Variants in ZFR2 observed in about 807,000 individuals in gnomAD.
The protein encoded by ZFR2 is zinc finger RNA binding protein 2, also known as zinc finger RNA-binding protein 2.
Under a neutral mutation model 105.7 loss-of-function variants are expected in ZFR2, and 104 were observed. That is an observed-to-expected ratio of 0.98 (90% CI 0.84 to 1.16). The LOEUF (loss-of-function observed/expected upper bound fraction) is 1.16, where lower values mean the gene tolerates loss of function less well. Among genes scored for constraint, ZFR2 ranks in the 50% most tolerant of loss-of-function variants. The pLI, the probability that ZFR2 is intolerant of heterozygous loss-of-function variation, is 0.00. For synonymous variants in ZFR2, 634 were observed against 597.7 expected, an observed-to-expected ratio of 1.06 and a Z score of -0.89; for missense variants, 1,425 against 1,355.5, an observed-to-expected ratio of 1.05 and a Z score of -0.80.
intron 3 of ZFR2, 63 bp from the exon 4 acceptor site, chr19:3,831,941 A>T (rs1332043687): frequency 4.6e-5 from 63 of 1,376,064 alleles, no homozygotes; most frequent in Non-Finnish European, 6.1e-5. Flanking sequence ...TCACCTGCAG[A>T]TGGGCCCTGG....
chr19:3,863,017 C>T (rs1486623216), intron 1 of ZFR2, among the ~76,000 whole-genome samples: 1 of 152,196 alleles, frequency 6.6e-6, no homozygotes, highest in African/African-American at 2.4e-5. Context: ...TACAGGTATG[C>T]GCCCTGGCCC....
At chr19:3,822,758 G>T (rs991039795) in intron 8 of ZFR2, among the ~76,000 whole-genome samples, 1 of 152,138 alleles carries the variant, frequency 6.6e-6, no homozygotes, top group Non-Finnish European at 1.5e-5. Flanking sequence ...AGGAAACCCA[G>T]CCCTGCCTCT....
intron 1 of ZFR2, among the ~76,000 whole-genome samples, chr19:3,862,235 T>C (rs1466045647): frequency 6.6e-6 from 1 of 152,102 alleles, no homozygotes; most frequent in Non-Finnish European, 1.5e-5. Context: ...AAACAGAGAA[T>C]ATGTTTAGGA....
rs1410400942 is a variant in ZFR2 at position 3,827,661 on chromosome 19, A to G, written c.853-8T>C. On this transcript the variant is annotated splice_polypyrimidine_tract_variant and splice_region_variant and intron_variant, in intron 5 of 18. Coordinates refer to ENST00000262961, the MANE Select transcript of ZFR2 (RefSeq NM_015174.2). ...CAGATGTTCCCGGTAGGTCTGCGGC[A>G]AGGGGTGAGAGGCAGCCTGGGCGGG... 3.8e-6 allele frequency: 6 copies of G among 1,572,884 alleles called. No individual in the cohort carries two copies. The highest frequency in any genetic ancestry group is 5.2e-6 in the Non-Finnish European group (6 of 1,159,778).
intron 17 of ZFR2, among the ~76,000 whole-genome samples, chr19:3,808,216 CG>C (rs1172646081): frequency 5.6e-4 from 79 of 141,260 alleles, no homozygotes; most frequent in African/African-American, 2.0e-3. Context: ...CGTGTGTGCC[CG>C]TGCGAGTGCG....
At chr19:3,825,083 A>G in intron 7 of ZFR2, 147 bp downstream of exon 7, 1 of 949,368 alleles carries the variant, frequency 1.1e-6, no homozygotes. Context: ...CTCTGCAGGA[A>G]TAAGGGAGAG....
intron 17 of ZFR2, 138 bp from the exon 18 acceptor site, chr19:3,807,407 C>A: frequency 1.6e-6 from 1 of 633,474 alleles, no homozygotes; most frequent in African/African-American, 1.8e-5. Flanking sequence ...ACCTCTGACC[C>A]TCAGGCCTCT....
intron 16 of ZFR2, among the ~76,000 whole-genome samples, chr19:3,809,957 T>TA (rs2037743475): frequency 1.3e-5 from 2 of 151,682 alleles, no homozygotes; most frequent in African/African-American, 4.8e-5. Flanking sequence ...AAAAATGATT[T>TA]TAAAAAAAAG....
At chr19:3,819,970 G>A (rs963400155) in intron 11 of ZFR2, among the ~76,000 whole-genome samples, 1 of 152,214 alleles carries the variant, frequency 6.6e-6, no homozygotes, top group Admixed American at 6.5e-5. Context: ...ACCACCCGGG[G>A]CTCCAGGAAG....
At chr19:3,844,821 G>T (rs1320710954) in intron 1 of ZFR2, among the ~76,000 whole-genome samples, 3 of 152,200 alleles carry the variant, frequency 2.0e-5, no homozygotes, top group Non-Finnish European at 4.4e-5. Context: ...ACGTGGGAAG[G>T]AATTCCTCTC....
intron 7 of ZFR2, 143 bp downstream of exon 7, chr19:3,825,087 G>A (rs1426263680): frequency 2.1e-5 from 21 of 991,130 alleles, no homozygotes; most frequent in Non-Finnish European, 2.8e-5. Flanking sequence ...GCAGGAATAA[G>A]GGAGAGACGG....
chr19:3,806,314 G>A (rs2037696429), intron 18 of ZFR2, among the ~76,000 whole-genome samples, 189 bp from the exon 19 acceptor site: 1 of 152,230 alleles, frequency 6.6e-6, no homozygotes, highest in African/African-American at 2.4e-5. Flanking sequence ...CCAGGCTGGA[G>A]TGCAGTGGCG....
chr19:3,817,056 C>T (rs576885080), intron 12 of ZFR2, among the ~76,000 whole-genome samples: 6 of 152,272 alleles, frequency 3.9e-5, no homozygotes, highest in East Asian at 3.9e-4. Context: ...GTGCTGTCAC[C>T]GGGCATGCCT....
At chr19:3,851,659 T>G (rs2038239289) in intron 1 of ZFR2, 1 of 152,266 alleles carries the variant, frequency 6.6e-6, no homozygotes, top group South Asian at 2.1e-4. Flanking sequence ...GTTTTTAAGA[T>G]GGAGTCAGCT....
In ZFR2 at chr19:3,838,064, GTGA is replaced by G. The variant is rs1367924524; in HGVS notation, c.54-3084_54-3082del. Among the ~76,000 whole-genome samples, 2 of 139,540 alleles carry G rather than the reference GTGA, an allele frequency of 1.4e-5. No individual in the cohort carries two copies. The highest frequency in any genetic ancestry group is 5.4e-5 in the African/African-American group (2 of 36,884). 91.5% of individuals were successfully genotyped at this position (139,540 alleles called of 152,430 possible). ...ACGATGAACACCATGACCGTGACAC[GTGA>G]TGAACACCATGACCGTGACACGCGA... On this transcript the variant is annotated intron_variant, in intron 1 of 18. Coordinates refer to ENST00000262961, the MANE Select transcript of ZFR2 (RefSeq NM_015174.2). The surrounding 1 kb of genome is among the most constrained non-coding windows in gnomAD (Gnocchi z 4.9).
At chr19:3,833,203 C>G (rs1247069400) in intron 3 of ZFR2, among the ~76,000 whole-genome samples, 1 of 146,894 alleles carries the variant, frequency 6.8e-6, no homozygotes, top group Non-Finnish European at 1.5e-5. Context: ...GAGCTGAGAT[C>G]GCACCACTGC....
chr19:3,815,316 C>T (rs907943814), intron 13 of ZFR2, among the ~76,000 whole-genome samples: 12 of 152,168 alleles, frequency 7.9e-5, no homozygotes, highest in Non-Finnish European at 1.8e-4. Flanking sequence ...TCTCGAACTC[C>T]GGACCTCAGG....
chr19:3,868,324 C>T (rs975288462), intron 1 of ZFR2, among the ~76,000 whole-genome samples: 1 of 150,974 alleles, frequency 6.6e-6, no homozygotes, highest in African/African-American at 2.4e-5. Flanking sequence ...ACCCTCTGTC[C>T]ATCCCCCTGC....
chr19:3,826,185 A>G (rs2037947948), intron 6 of ZFR2, among the ~76,000 whole-genome samples: 1 of 151,240 alleles, frequency 6.6e-6, no homozygotes, highest in Admixed American at 6.6e-5. Context: ...TCCCTCCTCC[A>G]TGCCTCCCTG....
Sources: allele counts gnomAD v4.1 joint callset (sites outside exome capture counted in the v4.1 genomes callset), GRCh38; gene constraint gnomAD v4.1.1; non-coding constraint Gnocchi (gnomAD v3.1); transcripts MANE v1.5; gene names NCBI Gene and HGNC (gene_info 2026-07-23, HGNC 2026-07-21).